The following KCNA1 variants were observed in gnomAD, a reference collection of about 807,000 sequenced individuals.
The protein encoded by KCNA1 is potassium voltage-gated channel subfamily A member 1, also known as potassium channel, voltage gated shaker related subfamily A, member 1.
A neutral mutation model predicts 28.8 loss-of-function variants in KCNA1; 19 were observed. That is an observed-to-expected ratio of 0.66 (90% confidence interval 0.46 to 0.97). KCNA1 has a LOEUF of 0.97. Among genes scored for constraint, KCNA1 ranks in the 50% least tolerant of loss-of-function variants. The pLI is 0.00. For synonymous variants in KCNA1, 311 were observed against 268.8 expected, an observed-to-expected ratio of 1.16 and a Z score of -1.53; for missense variants, 419 against 659.7, an observed-to-expected ratio of 0.64 and a Z score of 4.00.
rs1237954514 is a variant in KCNA1 at position 4,911,528 on chromosome 12, G to A, written c.150G>A (p.Thr50=). ...ACATCTCCGGGCTGCGCTTCGAGAC[G>A]CAGCTCAAGACCCTGGCGCAGTTCC... is the stretch of plus-strand genomic sequence containing the variant. The part of the protein sequence containing the change: ...VINISGLRFE[T]QLKTLAQFPN... The change falls in exon 2 of 2, where the codon ACG becomes ACA. Residue 50 remains threonine (T), a synonymous_variant. Coordinates refer to ENST00000382545, the MANE Select transcript of KCNA1 (RefSeq NM_000217.3). This position sits in a 1 kb window ranked among gnomAD's most constrained non-coding sequence, Gnocchi z 6.6. The A allele has an allele frequency of 6.2e-7, 1 of 1,614,170 alleles. No individual in the cohort carries two copies. The highest frequency in any genetic ancestry group is 1.7e-5 in the Admixed American group (1 of 60,018).
Position 4,912,341 on chromosome 12 carries a change from T to C in KCNA1, c.963T>C (p.Ala321=). 1 of 1,613,904 alleles carries C rather than the reference T, an allele frequency of 6.2e-7. No homozygotes were observed. Among genetic ancestry groups the C allele is most frequent in the Non-Finnish European group, 8.5e-7 (1 of 1,179,986 alleles). The part of the protein sequence containing the change: ...GLQILGQTLK[A]SMRELGLLIF... ...AGATCCTGGGCCAGACCCTCAAAGC[T>C]AGTATGAGAGAGCTAGGGCTGCTCA... Residue 321 remains alanine, a synonymous_variant, in exon 2 of 2, where the codon GCT becomes GCC. Coordinates refer to ENST00000382545, the MANE Select transcript of KCNA1 (RefSeq NM_000217.3).
Position 4,912,671 on chromosome 12 carries a change from T to C in KCNA1, c.1293T>C (p.Ser431=), listed in dbSNP as rs911265557. The change falls in exon 2 of 2, where the codon AGT becomes AGC. Residue 431 remains serine, a synonymous_variant. Coordinates refer to ENST00000382545, the MANE Select transcript of KCNA1 (RefSeq NM_000217.3). ...GEEQAQLLHV[S]SPNLASDSDL... is the part of the protein sequence containing the mutation. ...AGCAGGCTCAGTTGCTCCACGTCAG[T>C]TCCCCTAACTTAGCCTCTGACAGTG... The C allele has an allele frequency of 6.2e-7, 1 of 1,609,852 alleles. No homozygotes were observed.
chr12:4,915,067 A>T lies in KCNA1; in HGVS notation c.*2201A>T, dbSNP rs1342960412. On this transcript the variant is annotated 3_prime_UTR_variant, in exon 2 of 2. Transcript: ENST00000382545. ...TTCCCTCCTGGTCTACCCCTTTCAG[A>T]TATTTCCTGATGCCCCTATGATCTT... 1 of 167,102 alleles carries T rather than the reference A, an allele frequency of 6.0e-6. No homozygotes were observed. 10.4% of individuals were successfully genotyped at this position (167,102 alleles called of 1,614,324 possible).
rs1365795679 is a variant in KCNA1, at chr12:4,916,119, A to G, written c.*3253A>G. ...CTGTAATGTGTTGAAATGTCTTTGT[A>G]GACCTGAAGGTGCACTTAACAAAAC... On this transcript the variant is annotated 3_prime_UTR_variant, in exon 2 of 2. Coordinates refer to ENST00000382545, the MANE Select transcript of KCNA1 (RefSeq NM_000217.3). The G allele has an allele frequency of 6.0e-6, 1 of 167,152 alleles. No homozygotes were observed. The highest frequency in any genetic ancestry group is 2.4e-5 in the African/African-American group (1 of 41,476). The allele number at this position is 167,152 out of a possible 1,614,324, so 10.4% of individuals were successfully genotyped here.
Position 4,912,266 on chromosome 12 carries a change from G to A in KCNA1, c.888G>A (p.Leu296=), listed in dbSNP as rs1315748120. Residue 296 remains leucine (L), a synonymous_variant, in exon 2 of 2, where the codon TTG becomes TTA. Transcript: ENST00000382545. ...TGGCCATCCTCAGGGTCATCCGCTT[G>A]GTAAGGGTTTTTAGAATCTTCAAGC... ...TSLAILRVIR[L]VRVFRIFKLS... 3.7e-6 allele frequency: 6 copies of A among 1,612,760 alleles called. No homozygotes were observed. The Admixed American group carries it at 8.4e-5, about 22-fold the overall frequency.
At position 4,911,283 on chromosome 12, in the gene KCNA1, T is replaced by C; in HGVS notation, c.-96T>C. The C allele has an allele frequency of 3.3e-6, 3 of 920,338 alleles. No homozygotes were observed. The highest frequency in any genetic ancestry group is 5.0e-6 in the Non-Finnish European group (3 of 599,294). 57.0% of individuals were successfully genotyped at this position (920,338 alleles called of 1,614,324 possible). On this transcript the variant is annotated 5_prime_UTR_variant, in exon 2 of 2. Coordinates refer to ENST00000382545, the MANE Select transcript of KCNA1 (RefSeq NM_000217.3). This position sits in a 1 kb window ranked among gnomAD's most constrained non-coding sequence, Gnocchi z 6.6. The stretch of plus-strand genomic sequence containing the variant: ...GGCGTGAGGGAGACGCGCGCTCCGG[T>C]GGGGGGGCCGCTTGGGTCCCCCCCA...
chr12:4,911,989 G>A lies in KCNA1; in HGVS notation c.611G>A (p.Arg204His), dbSNP rs2229000. 173 of 1,614,108 alleles carry A rather than the reference G, an allele frequency of 1.1e-4. 2 individuals are homozygous for A. The African/African-American group carries it at 2.1e-3, about 19-fold the overall frequency. Residue 204 changes from arginine (R) to histidine (H), a missense_variant, in exon 2 of 2, where the codon CGC becomes CAC. This residue lies in a region of KCNA1 where 217 missense variants were observed against 329.6 expected (regional missense o/e 0.66). Transcript: ENST00000382545. The surrounding 1 kb of genome is among the most constrained non-coding windows in gnomAD (Gnocchi z 6.6). ...DDKDFTGTVH[R>H]IDNTTVIYNS... ...AAGGACTTCACGGGCACCGTCCACC[G>A]CATCGACAACACCACGGTCATCTAC...
rs764863360 is a variant in KCNA1, at chr12:4,913,352, G to C, written c.*486G>C. ...GCATCAGATGTATTATATGTAACAT[G>C]ATAGACCAGCCAAAATGGACAATGA... On this transcript the variant is annotated 3_prime_UTR_variant, in exon 2 of 2. Transcript: ENST00000382545. The C allele has an allele frequency of 2.2e-4, 42 of 188,088 alleles. No individual in the cohort carries two copies. Among genetic ancestry groups the C allele is most frequent in the Middle Eastern group, 2.8e-3 (1 of 356 alleles). The allele number at this position is 188,088 out of a possible 1,614,324, so 11.7% of individuals were successfully genotyped here. A position where few individuals can be genotyped will look rare whatever the true frequency, so the allele number is the denominator to read the frequency against.
At position 4,913,120 on chromosome 12, in the gene KCNA1, A is replaced by T. The variant is rs1340921922; in HGVS notation, c.*254A>T. The T allele has an allele frequency of 2.6e-5, 13 of 506,032 alleles. No individual in the cohort carries two copies. The highest frequency in any genetic ancestry group is 4.4e-5 in the Non-Finnish European group (12 of 273,332). 31.3% of individuals were successfully genotyped at this position (506,032 alleles called of 1,614,324 possible). On this transcript the variant is annotated 3_prime_UTR_variant, in exon 2 of 2. Transcript: ENST00000382545. ...TGGGAAAAGAGAGAGTATTTTCTAA[A>T]ACTGGCTTAAAAAGATTCAGTCCAC...
chr12:4,911,737 A>T lies in KCNA1; in HGVS notation c.359A>T (p.Tyr120Phe), dbSNP rs1226314295. 1 of 1,613,938 alleles carries T rather than the reference A, an allele frequency of 6.2e-7. No individual in the cohort carries two copies. Among genetic ancestry groups the T allele is most frequent in the Non-Finnish European group, 8.5e-7 (1 of 1,180,018 alleles). Residue 120 changes from tyrosine (Y) to phenylalanine (F), a missense_variant, in exon 2 of 2, where the codon TAC becomes TTC. Tyr to Phe is a conservative substitution (Grantham distance 22, BLOSUM62 3). Transcript: ENST00000382545. This position sits in a 1 kb window ranked among gnomAD's most constrained non-coding sequence, Gnocchi z 6.6. ...LDMFSEEIKF[Y>F]ELGEEAMEKF... The stretch of plus-strand genomic sequence containing the variant: ...ATGTTCTCCGAGGAGATCAAGTTTT[A>T]CGAGTTGGGCGAGGAGGCCATGGAG...
In KCNA1 at chr12:4,912,902, G is replaced by C. The variant is rs1465836022; in HGVS notation, c.*36G>C. The C allele has an allele frequency of 1.4e-6, 2 of 1,459,904 alleles. No individual in the cohort carries two copies. Among genetic ancestry groups the C allele is most frequent in the Non-Finnish European group, 1.9e-6 (2 of 1,040,206 alleles). 90.4% of individuals were successfully genotyped at this position (1,459,904 alleles called of 1,614,324 possible). A position where few individuals can be genotyped will look rare whatever the true frequency, so the allele number is the denominator to read the frequency against. ...CAAGCAAACAAAAAAGCCCCACTTA[G>C]CAGCTCAAAAGACTTAAAAAACAAA... On this transcript the variant is annotated 3_prime_UTR_variant, in exon 2 of 2. Transcript: ENST00000382545.
Position 4,912,736 on chromosome 12 carries a change from A to T in KCNA1, c.1358A>T (p.Glu453Val). Residue 453 changes from glutamate (E) to valine (V), a missense_variant, in exon 2 of 2, where the codon GAG (glutamate) becomes GTG (valine). By Grantham distance (121) the Glu-to-Val change is moderately radical (BLOSUM62 -2). This residue lies in a region of KCNA1 where 81 missense variants were observed against 86.5 expected (regional missense o/e 0.94). Transcript: ENST00000382545. ...RRSSSTMSKS[E>V]YMEIEEDMNN... ...AGTTCCTCTACTATGAGCAAGTCTGAGTACATGGAGATCGAAGAGGATATG... is the reference window on the plus strand; with the variant it reads ...AGTTCCTCTACTATGAGCAAGTCTGTGTACATGGAGATCGAAGAGGATATG... 6.2e-7 allele frequency: 1 copy of T among 1,614,018 alleles called. No individual in the cohort carries two copies. Among genetic ancestry groups the T allele is most frequent in the Non-Finnish European group, 8.5e-7 (1 of 1,180,010 alleles).
chr12:4,910,957 T>C lies in KCNA1; in HGVS notation c.-422T>C, dbSNP rs985194293. 2 of 221,598 alleles carry C rather than the reference T, an allele frequency of 9.0e-6. No individual in the cohort carries two copies. Among genetic ancestry groups the C allele is most frequent in the Admixed American group, 5.3e-5 (1 of 18,798 alleles). 13.7% of individuals were successfully genotyped at this position (221,598 alleles called of 1,614,324 possible). ...GCGTGGGGATCTGCCGAGCCGGCAC[T>C]GCACCGGGTCCTAGGAAGGCTCTCG... is the stretch of plus-strand genomic sequence containing the variant. On this transcript the variant is annotated 5_prime_UTR_variant, in exon 2 of 2. Transcript: ENST00000382545. This position sits in a 1 kb window ranked among gnomAD's most constrained non-coding sequence, Gnocchi z 4.9.
chr12:4,910,512 T>TG lies in KCNA1; in HGVS notation c.-540+46dup, dbSNP rs1947343086. 9.4e-6 allele frequency: 1 copy of TG among 106,498 alleles called. No homozygotes were observed. Among genetic ancestry groups the TG allele is most frequent in the African/African-American group, 3.3e-5 (1 of 30,022 alleles). 6.6% of individuals were successfully genotyped at this position (106,498 alleles called of 1,614,324 possible). A position where few individuals can be genotyped will look rare whatever the true frequency, so the allele number is the denominator to read the frequency against. On this transcript the variant is annotated intron_variant, in intron 1 of 1. Coordinates refer to ENST00000382545, the MANE Select transcript of KCNA1 (RefSeq NM_000217.3). This position sits in a 1 kb window ranked among gnomAD's most constrained non-coding sequence, Gnocchi z 4.9. ...AGCTCGGGGATGCAGAAGCGGGGGT[T>TG]GGGGGGACCGGGTGGGGGAGGCCGG...
Position 4,912,868 on chromosome 12 carries a change from A to C in KCNA1, c.*2A>C. The C allele has an allele frequency of 6.2e-7, 1 of 1,603,194 alleles. No homozygotes were observed. Among genetic ancestry groups the C allele is most frequent in the South Asian group, 1.1e-5 (1 of 90,832 alleles). On this transcript the variant is annotated 3_prime_UTR_variant, in exon 2 of 2. Transcript: ENST00000382545. ...AGCAAGCTACTGACCGATGTTTAAA[A>C]AACAAAGGCAAGCAAACAAAAAAGC...
chr12:4,911,317 C>A lies in KCNA1; in HGVS notation c.-62C>A. On this transcript the variant is annotated 5_prime_UTR_variant, in exon 2 of 2. Coordinates refer to ENST00000382545, the MANE Select transcript of KCNA1 (RefSeq NM_000217.3). The surrounding 1 kb of genome is among the most constrained non-coding windows in gnomAD (Gnocchi z 6.6). The stretch of plus-strand genomic sequence containing the variant: ...CGCTTGGGTCCCCCCCACCCCTGGT[C>A]CCTGGCTGCTTCCCACCCCGGGCTC... 1 of 1,474,906 alleles carries A rather than the reference C, an allele frequency of 6.8e-7. No individual in the cohort carries two copies. The highest frequency in any genetic ancestry group is 9.3e-7 in the Non-Finnish European group (1 of 1,073,898). The allele number at this position is 1,474,906 out of a possible 1,614,324, so 91.4% of individuals were successfully genotyped here. A position where few individuals can be genotyped will look rare whatever the true frequency, so the allele number is the denominator to read the frequency against.
Position 4,913,294 on chromosome 12 carries a change from T to C in KCNA1, c.*428T>C, listed in dbSNP as rs759077382. The stretch of plus-strand genomic sequence containing the variant: ...ATTCGCATGGGACTCCAGTAAAACA[T>C]CTTTGCAAACTGCGTAGCACATTGA... On this transcript the variant is annotated 3_prime_UTR_variant, in exon 2 of 2. Coordinates refer to ENST00000382545, the MANE Select transcript of KCNA1 (RefSeq NM_000217.3). 1 of 267,608 alleles carries C rather than the reference T, an allele frequency of 3.7e-6. No homozygotes were observed. Among genetic ancestry groups the C allele is most frequent in the African/African-American group, 2.3e-5 (1 of 43,312 alleles). 16.6% of individuals were successfully genotyped at this position (267,608 alleles called of 1,614,324 possible).
chr12:4,914,409 G>C lies in KCNA1; in HGVS notation c.*1543G>C, dbSNP rs769400004. ...TTCTCTATTATATGCATCCGAAGCA[G>C]AGCTGATTTTTTTTTCTTTGCAGTC... On this transcript the variant is annotated 3_prime_UTR_variant, in exon 2 of 2. Coordinates refer to ENST00000382545, the MANE Select transcript of KCNA1 (RefSeq NM_000217.3). The C allele has an allele frequency of 1.2e-5, 2 of 166,968 alleles. No individual in the cohort carries two copies. Among genetic ancestry groups the C allele is most frequent in the African/African-American group, 2.4e-5 (1 of 41,470 alleles). The allele number at this position is 166,968 out of a possible 1,614,324, so 10.3% of individuals were successfully genotyped here.
In KCNA1 at chr12:4,911,511, G is replaced by C; in HGVS notation, c.133G>C (p.Gly45Arg). ...CGAGCGCGTGGTGATCAACATCTCC[G>C]GGCTGCGCTTCGAGACGCAGCTCAA... Reference protein sequence around the residue: ...CCERVVINISGLRFETQLKTL... With the variant: ...CCERVVINISRLRFETQLKTL... The change falls in exon 2 of 2, where the codon GGG becomes CGG. Residue 45 changes from glycine (G) to arginine (R), a missense_variant. Gly to Arg is a moderately radical substitution (Grantham distance 125, BLOSUM62 -2). Transcript: ENST00000382545. This position sits in a 1 kb window ranked among gnomAD's most constrained non-coding sequence, Gnocchi z 6.6. 2 of 1,614,118 alleles carry C rather than the reference G, an allele frequency of 1.2e-6. No homozygotes were observed. The highest frequency in any genetic ancestry group is 8.5e-7 in the Non-Finnish European group (1 of 1,180,026).
Sources: gnomAD v4.1 joint callset for allele counts on GRCh38, gnomAD v4.1.1 for gene constraint, gnomAD v4.1.1 regional missense constraint, Gnocchi (gnomAD v3.1) non-coding constraint, MANE v1.5 for transcripts, NCBI Gene and HGNC (gene_info 2026-07-23, HGNC 2026-07-21) for gene names.